The following GLI3 variants were observed in gnomAD, a reference collection of about 807,000 sequenced individuals.
The protein encoded by GLI3 is transcription activator GLI3.
Under a neutral mutation model 100.8 loss-of-function variants are expected in GLI3, and 20 were observed. The ratio of observed to expected loss-of-function variants is 0.20; its 90% CI spans 0.14 to 0.29. GLI3 has a LOEUF of 0.29. Ranked by LOEUF, GLI3 falls within the 10% of genes least tolerant of loss-of-function variation. GLI3 has a pLI of 1.00. For synonymous variants in GLI3, 938 were observed against 860.5 expected, an observed-to-expected ratio of 1.09 and a Z score of -1.58; for missense variants, 2,040 against 2,128.5, an observed-to-expected ratio of 0.96 and a Z score of 0.82.
intron 5 of GLI3, among the ~76,000 whole-genome samples, chr7:42,047,131 G>A (rs1784261639): frequency 6.6e-6 from 1 of 152,154 alleles, no homozygotes; most frequent in African/African-American, 2.4e-5. Context: ...ACTCCAGCCT[G>A]GGGAACAAAG....
intron 3 of GLI3, among the ~76,000 whole-genome samples, chr7:42,123,992 G>C (rs921696568): frequency 6.6e-6 from 1 of 152,152 alleles, no homozygotes; most frequent in Non-Finnish European, 1.5e-5. Context: ...CACCTTCAGA[G>C]GCAAGGCCCC....
chr7:42,024,775 T>C (rs1395456437), intron 9 of GLI3, among the ~76,000 whole-genome samples: 12 of 152,210 alleles, frequency 7.9e-5, no homozygotes, highest in Non-Finnish European at 1.6e-4. Flanking sequence ...AGGTTAGTTA[T>C]GTTTTCATCC....
intron 2 of GLI3, among the ~76,000 whole-genome samples, chr7:42,210,421 T>A (rs1259222579): frequency 7.1e-6 from 1 of 141,132 alleles, no homozygotes; most frequent in Non-Finnish European, 1.5e-5. Context: ...ATTATTAGTA[T>A]ACCCCAGTAT....
At chr7:42,013,494 G>C (rs1562685147) in intron 10 of GLI3, among the ~76,000 whole-genome samples, 1 of 151,860 alleles carries the variant, frequency 6.6e-6, no homozygotes, top group Admixed American at 6.6e-5. Flanking sequence ...CTCTCAAGTA[G>C]CTGGGACTAC....
chr7:42,254,975 T>C (rs981384304), intron 1 of GLI3, among the ~76,000 whole-genome samples: 24 of 152,330 alleles, frequency 1.6e-4, no homozygotes, highest in African/African-American at 5.3e-4. Context: ...TTCATACTCA[T>C]CTCTTGCTAC....
At position 42,020,883 on chromosome 7, in the gene GLI3, C is replaced by A. The variant is rs549870980; in HGVS notation, c.1497+2585G>T. 6.0e-5 allele frequency among the ~76,000 whole-genome samples: 7 copies of A among 117,242 alleles called. No homozygotes were observed. The South Asian group carries it at 2.0e-3, about 34-fold the overall frequency. The allele number at this position is 117,242 out of a possible 152,430, so 76.9% of individuals were successfully genotyped here. On this transcript the variant is annotated intron_variant, in intron 10 of 14. Coordinates refer to ENST00000395925, the MANE Select transcript of GLI3 (RefSeq NM_000168.6). ...CCAGCCTGGGCGACAGAGCGAGACT[C>A]CGTCTCAAAAAAAAAAAAAAAAAAA...
intron 2 of GLI3, among the ~76,000 whole-genome samples, chr7:42,173,128 A>G (rs945202747): frequency 1.9e-4 from 29 of 152,236 alleles, no homozygotes; most frequent in Non-Finnish European, 7.3e-5. Context: ...TAGATGTACC[A>G]TAAGTGCTGG....
intron 10 of GLI3, 39 bp from the exon 11 acceptor site, chr7:41,978,787 G>A (rs770082327): frequency 1.4e-5 from 23 of 1,590,178 alleles, no homozygotes; most frequent in South Asian, 9.9e-5. Context: ...AAATGGAAAC[G>A]TATTCATCAT....
At chr7:42,231,355 T>A (rs1418570620) in intron 1 of GLI3, among the ~76,000 whole-genome samples, 1 of 152,376 alleles carries the variant, frequency 6.6e-6, no homozygotes, top group East Asian at 1.9e-4. Context: ...ACTTTCAGAA[T>A]TTAAGCATTT....
intron 1 of GLI3, 96 bp from the exon 2 acceptor site, chr7:42,223,391 A>G: frequency 1.4e-6 from 1 of 704,384 alleles, no homozygotes; most frequent in Admixed American, 2.6e-5. Context: ...AGAAAAGCCT[A>G]GAGCTTTAGG....
intron 2 of GLI3, among the ~76,000 whole-genome samples, chr7:42,180,125 G>T (rs1161376148): frequency 6.6e-6 from 1 of 152,178 alleles, no homozygotes; most frequent in Non-Finnish European, 1.5e-5. Context: ...AACGAGGAGT[G>T]GCCTGCAGAG....
chr7:41,993,662 G>T (rs757541637), intron 10 of GLI3, among the ~76,000 whole-genome samples: 3 of 152,192 alleles, frequency 2.0e-5, no homozygotes, highest in Non-Finnish European at 4.4e-5. Flanking sequence ...TAGGAACTCA[G>T]TAAATACTTG....
At chr7:42,127,484 G>A (rs913050477) in intron 3 of GLI3, among the ~76,000 whole-genome samples, 1 of 152,150 alleles carries the variant, frequency 6.6e-6, no homozygotes, top group Non-Finnish European at 1.5e-5. Flanking sequence ...CAGCACACAT[G>A]CATCCCCATG....
Position 42,223,293 on chromosome 7 carries a change from G to T in GLI3, c.-40C>A. On this transcript the variant is annotated splice_region_variant and 5_prime_UTR_variant, in exon 2 of 15. Transcript: ENST00000395925. ...ACTTCAGCTCTCTTCGACCAAAAAT[G>T]CCCTAAAGAAAACAACAGAGCCATC... is the stretch of plus-strand genomic sequence containing the variant. 6.3e-7 allele frequency: 1 copy of T among 1,589,238 alleles called. No individual in the cohort carries two copies. Among genetic ancestry groups the T allele is most frequent in the Non-Finnish European group, 8.6e-7 (1 of 1,161,546 alleles).
chr7:41,999,098 T>C (rs1788213390), intron 10 of GLI3, among the ~76,000 whole-genome samples: 1 of 152,112 alleles, frequency 6.6e-6, no homozygotes, highest in Admixed American at 6.5e-5. Context: ...GAAGAGAGGG[T>C]AGCATATCAT....
At chr7:42,056,731 A>G (rs1484264330) in intron 4 of GLI3, among the ~76,000 whole-genome samples, 1 of 152,004 alleles carries the variant, frequency 6.6e-6, no homozygotes, top group Admixed American at 6.6e-5. Flanking sequence ...CGGGTGGATC[A>G]CCTGAGGTGG....
At position 42,001,050 on chromosome 7, in the gene GLI3, G is replaced by T. The variant is rs183426770; in HGVS notation, c.1498-22302C>A. ...TCATGAGGTCAGGAGTTTGAGACCAGCCTGGCTAACATGGTGAAACCCTGT... is the reference window on the plus strand; with the variant it reads ...TCATGAGGTCAGGAGTTTGAGACCATCCTGGCTAACATGGTGAAACCCTGT... On this transcript the variant is annotated intron_variant, in intron 10 of 14. Coordinates refer to ENST00000395925, the MANE Select transcript of GLI3 (RefSeq NM_000168.6). Among the ~76,000 whole-genome samples the T allele has an allele frequency of 4.2e-3, 635 of 152,016 alleles. 6 individuals carry two copies. The highest frequency in any genetic ancestry group is 0.014 in the African/African-American group (566 of 41,472).
rs770030848 is a variant in GLI3, at chr7:41,972,448, C to T, written c.1992G>A (p.Ser664=). Residue 664 remains serine, a synonymous_variant, in exon 13 of 15, where the codon TCG becomes TCA. Coordinates refer to ENST00000395925, the MANE Select transcript of GLI3 (RefSeq NM_000168.6). The surrounding 1 kb of genome is among the most constrained non-coding windows in gnomAD (Gnocchi z 4.4). ...GGGCTCCCTGAGTCGGTCGGCCAGGCGACCTGGACTGTGAATGGCTGCCGG... is the reference window on the plus strand; with the variant it reads ...GGGCTCCCTGAGTCGGTCGGCCAGGTGACCTGGACTGTGAATGGCTGCCGG... The part of the protein sequence containing the change: ...RDSGSHSQSR[S]PGRPTQGALG... The T allele has an allele frequency of 2.2e-5, 36 of 1,613,656 alleles. No individual in the cohort carries two copies. Among genetic ancestry groups the T allele is most frequent in the African/African-American group, 1.6e-4 (12 of 74,870 alleles).
At chr7:41,978,790 T>C (rs1457049852) in intron 10 of GLI3, 42 bp from the exon 11 acceptor site, 2 of 1,584,064 alleles carry the variant, frequency 1.3e-6, no homozygotes, top group Non-Finnish European at 1.7e-6. Flanking sequence ...TGGAAACGTA[T>C]TCATCATTTC....
Sources: allele counts gnomAD v4.1 joint callset (sites outside exome capture counted in the v4.1 genomes callset), GRCh38; gene constraint gnomAD v4.1.1; non-coding constraint Gnocchi (gnomAD v3.1); transcripts MANE v1.5; gene names NCBI Gene and HGNC (gene_info 2026-07-23, HGNC 2026-07-21).